The following NTNG1 variants were observed in gnomAD, a reference collection of about 807,000 sequenced individuals.
The protein encoded by NTNG1 is netrin-G1.
NTNG1 carries 16 observed loss-of-function variants against 54.0 expected under a neutral mutation model. That is an observed-to-expected ratio of 0.30 (90% confidence interval 0.20 to 0.45). The LOEUF (loss-of-function observed/expected upper bound fraction) is 0.45, where lower values mean the gene tolerates loss of function less well. Among genes scored for constraint, NTNG1 ranks in the 20% least tolerant of loss-of-function variants. The pLI is 1.00. For synonymous variants in NTNG1, 255 were observed against 263.1 expected, an observed-to-expected ratio of 0.97 and a Z score of 0.30; for missense variants, 530 against 678.7, an observed-to-expected ratio of 0.78 and a Z score of 2.43.
intron 2 of NTNG1, among the ~76,000 whole-genome samples, chr1:107,252,276 C>G (rs1662656574): frequency 6.6e-6 from 1 of 152,154 alleles, no homozygotes; most frequent in African/African-American, 2.4e-5. Flanking sequence ...CCTTTTAAAG[C>G]CATTTGCTGA....
chr1:107,152,469 C>T (rs1325545274), intron 2 of NTNG1, among the ~76,000 whole-genome samples: 1 of 152,194 alleles, frequency 6.6e-6, no homozygotes. Context: ...TCTTCCCGCA[C>T]ACCCCAGTGG....
intron 2 of NTNG1, among the ~76,000 whole-genome samples, chr1:107,221,812 C>A (rs544568673): frequency 2.0e-5 from 3 of 152,222 alleles, no homozygotes; most frequent in African/African-American, 7.2e-5. Flanking sequence ...TCAGTGCCAT[C>A]CTTTGGAAAG....
chr1:107,323,506 A>G (rs1352014978), intron 2 of NTNG1, among the ~76,000 whole-genome samples: 1 of 152,138 alleles, frequency 6.6e-6, no homozygotes, highest in Non-Finnish European at 1.5e-5. Context: ...ACAGAGTAAC[A>G]AACACATCAA....
chr1:107,344,178 T>G (rs1156606271), intron 3 of NTNG1, among the ~76,000 whole-genome samples: 2 of 152,206 alleles, frequency 1.3e-5, no homozygotes, highest in Non-Finnish European at 2.9e-5. Context: ...AAGGAAAACT[T>G]TACCATAGAG....
chr1:107,361,903 C>G (rs1670322663), intron 3 of NTNG1, among the ~76,000 whole-genome samples: 1 of 152,150 alleles, frequency 6.6e-6, no homozygotes, highest in African/African-American at 2.4e-5. Flanking sequence ...TTATGCTACA[C>G]TATTTTGTAG....
intron 2 of NTNG1, among the ~76,000 whole-genome samples, chr1:107,213,473 T>C (rs1003242540): frequency 1.4e-4 from 22 of 152,076 alleles, no homozygotes; most frequent in Non-Finnish European, 2.1e-4. Flanking sequence ...CAAGCCTTAG[T>C]TGGGAAATGC....
At chr1:107,266,323 C>T (rs1221011430) in intron 2 of NTNG1, among the ~76,000 whole-genome samples, 2 of 152,048 alleles carry the variant, frequency 1.3e-5, no homozygotes, top group Non-Finnish European at 2.9e-5. Flanking sequence ...TTAATTGGCT[C>T]ATGGTTCTGC....
intron 3 of NTNG1, among the ~76,000 whole-genome samples, chr1:107,392,125 A>G (rs1672402093): frequency 6.6e-6 from 1 of 152,114 alleles, no homozygotes; most frequent in African/African-American, 2.4e-5. Context: ...TTTGATGAAT[A>G]AGTCTGAAGC....
At chr1:107,150,633 C>T (rs999008962) in intron 2 of NTNG1, among the ~76,000 whole-genome samples, 2 of 151,998 alleles carry the variant, frequency 1.3e-5, no homozygotes, top group Non-Finnish European at 2.9e-5. Context: ...TCTCATAAGC[C>T]CTGTGTGATG....
At chr1:107,176,514 A>G (rs905790666) in intron 2 of NTNG1, among the ~76,000 whole-genome samples, 2 of 152,120 alleles carry the variant, frequency 1.3e-5, no homozygotes, top group Non-Finnish European at 2.9e-5. Flanking sequence ...TCTTAACATC[A>G]CGGTTAAGTG....
intron 4 of NTNG1, among the ~76,000 whole-genome samples, chr1:107,402,861 A>G (rs1294983945): frequency 1.3e-5 from 2 of 152,100 alleles, no homozygotes; most frequent in African/African-American, 4.8e-5. Context: ...TACCCACTTG[A>G]TGGGTTTTTC....
chr1:107,335,480 A>G (rs117561973), intron 3 of NTNG1, among the ~76,000 whole-genome samples: 1 of 151,990 alleles, frequency 6.6e-6, no homozygotes, highest in Non-Finnish European at 1.5e-5. Flanking sequence ...TTTTATGAAC[A>G]TATGTCTTTA....
chr1:107,191,184 T>C (rs932114861), intron 2 of NTNG1, among the ~76,000 whole-genome samples: 4 of 152,236 alleles, frequency 2.6e-5, no homozygotes, highest in Admixed American at 6.5e-5. Flanking sequence ...CCAGTGATGA[T>C]GAGCATTTTT....
chr1:107,418,362 G>A (rs1366540108), intron 5 of NTNG1, among the ~76,000 whole-genome samples: 2 of 152,032 alleles, frequency 1.3e-5, no homozygotes, highest in Non-Finnish European at 2.9e-5. Flanking sequence ...TGTAGCTTTG[G>A]TAGGGAAGTA....
At chr1:107,358,021 C>G (rs1051970816) in intron 3 of NTNG1, among the ~76,000 whole-genome samples, 2 of 152,158 alleles carry the variant, frequency 1.3e-5, no homozygotes, top group Non-Finnish European at 2.9e-5. Flanking sequence ...AATAATAGAT[C>G]ATTCCATTCG....
intron 2 of NTNG1, among the ~76,000 whole-genome samples, chr1:107,243,986 A>G (rs773661106): frequency 4.8e-4 from 73 of 152,230 alleles, no homozygotes; most frequent in Non-Finnish European, 1.6e-4. Flanking sequence ...TGAAAAATGA[A>G]ATTACAAACA....
chr1:107,394,529 G>A (rs1015876320), intron 3 of NTNG1, among the ~76,000 whole-genome samples: 3 of 152,086 alleles, frequency 2.0e-5, no homozygotes, highest in African/African-American at 7.2e-5. Context: ...TGAGTGGGAT[G>A]TCTGAGGATT....
chr1:107,194,305 A>G (rs1359668755), intron 2 of NTNG1, among the ~76,000 whole-genome samples: 1 of 151,980 alleles, frequency 6.6e-6, no homozygotes, highest in African/African-American at 2.4e-5. Flanking sequence ...CTGGTTTTAA[A>G]TCACTTCCCT....
At chr1:107,163,693 A>G (rs1415838787) in intron 2 of NTNG1, among the ~76,000 whole-genome samples, 4 of 152,230 alleles carry the variant, frequency 2.6e-5, no homozygotes, top group Non-Finnish European at 5.9e-5. Flanking sequence ...ATACAATGAC[A>G]TTTGCACTGA....
Sources: allele counts gnomAD v4.1 joint callset (sites outside exome capture counted in the v4.1 genomes callset), GRCh38; gene constraint gnomAD v4.1.1; transcripts MANE v1.5; gene names NCBI Gene and HGNC (gene_info 2026-07-23, HGNC 2026-07-21).